Variants in DMXL1 observed in about 807,000 individuals in gnomAD.
DMXL1 encodes dmX-like protein 1.
DMXL1 carries 99 observed loss-of-function variants against 319.2 expected under a neutral mutation model. The observed-to-expected ratio is 0.31, with a 90% CI of 0.26 to 0.37. The LOEUF is 0.37. DMXL1 is among the 10% of genes least tolerant of loss of function. The pLI is 1.00. For missense variants in DMXL1, 3,745 were observed against 3,595.6 expected (o/e 1.04, Z -1.06); for synonymous variants, 1,385 against 1,235.2 (o/e 1.12, Z -2.54).
chr5:119,184,047 A>G (rs541497761), intron 28 of DMXL1, among the ~76,000 whole-genome samples: 88 of 144,710 alleles, frequency 6.1e-4, no homozygotes, highest in Non-Finnish European at 1.0e-3. Context: ...CCCTCATTCA[A>G]TGTTTTCTTC....
intron 10 of DMXL1, among the ~76,000 whole-genome samples, chr5:119,130,297 G>A (rs930339929): frequency 6.6e-6 from 1 of 151,416 alleles, no homozygotes; most frequent in Non-Finnish European, 1.5e-5. Context: ...TACTGTGGGT[G>A]TGCATTTTTA....
intron 1 of DMXL1, among the ~76,000 whole-genome samples, chr5:119,079,335 C>G (rs1008015199): frequency 3.9e-5 from 6 of 152,174 alleles, no homozygotes; most frequent in Non-Finnish European, 8.8e-5. Context: ...CAGAATTGTC[C>G]AGGGTTAATC....
chr5:119,112,648 A>G (rs1263590233), intron 5 of DMXL1, among the ~76,000 whole-genome samples: 2 of 152,148 alleles, frequency 1.3e-5, no homozygotes, highest in Admixed American at 6.5e-5. Flanking sequence ...AGAATTTTGC[A>G]TAAATAATTC....
Position 119,151,994 on chromosome 5 carries a change from A to C in DMXL1, c.4660A>C (p.Thr1554Pro), listed in dbSNP as rs778738011. 4.3e-6 allele frequency: 7 copies of C among 1,613,148 alleles called. No homozygotes were observed. The Admixed American group carries it at 1.2e-4, about 27-fold the overall frequency. The change falls in exon 19 of 44, where the codon ACA (threonine) becomes CCA (proline). Residue 1554 changes from threonine to proline, a missense_variant. By Grantham distance (38) the Thr-to-Pro change is conservative. Coordinates refer to ENST00000539542, the MANE Select transcript of DMXL1 (RefSeq NM_001290321.3). ...LLAVRLHTFL[T>P]TSLPAYRAQL... ...GGCTGTTCGACTCCATACCTTTCTT[A>C]CAACTTCCCTTCCAGCCTATCGAGC...
At chr5:119,095,630 A>C (rs1269079555) in intron 1 of DMXL1, among the ~76,000 whole-genome samples, 5 of 152,220 alleles carry the variant, frequency 3.3e-5, no homozygotes, top group Non-Finnish European at 7.3e-5. Flanking sequence ...CTAAATTGTA[A>C]ACATGTAAAA....
intron 19 of DMXL1, among the ~76,000 whole-genome samples, chr5:119,163,564 A>G (rs1023044484): frequency 6.6e-6 from 1 of 151,934 alleles, no homozygotes; most frequent in Non-Finnish European, 1.5e-5. Flanking sequence ...TTACAGGCAC[A>G]TACCACCATG....
In DMXL1 at chr5:119,149,059, G is replaced by A. The variant is rs1222927982; in HGVS notation, c.3232G>A (p.Val1078Ile). 2 of 1,613,914 alleles carry A rather than the reference G, an allele frequency of 1.2e-6. No homozygotes were observed. Among genetic ancestry groups the A allele is most frequent in the Non-Finnish European group, 1.7e-6 (2 of 1,179,858 alleles). The change falls in exon 18 of 44, where the codon GTA becomes ATA. Residue 1078 changes from valine to isoleucine, a missense_variant. Around this residue, in one of 4 missense-constraint regions of DMXL1, gnomAD observed 2,096 missense variants for 1,985.4 expected, o/e 1.06. Transcript: ENST00000539542. The stretch of plus-strand genomic sequence containing the variant: ...ATCTTCCCAGGACTTTGTGATGCAT[G>A]TAAGTATTTTTGAATGTGAGTCAAC... ...SRSSQDFVMH[V>I]SIFECESTGG... is the part of the protein sequence containing the mutation.
intron 30 of DMXL1, among the ~76,000 whole-genome samples, chr5:119,194,242 G>A (rs548384935): frequency 9.5e-4 from 145 of 152,092 alleles, no homozygotes; most frequent in Non-Finnish European, 1.7e-3. Flanking sequence ...TCCATTAATG[G>A]ACCATCCGTA....
chr5:119,093,460 G>A (rs1239616508), intron 1 of DMXL1, among the ~76,000 whole-genome samples: 1 of 152,006 alleles, frequency 6.6e-6, no homozygotes, highest in African/African-American at 2.4e-5. Context: ...TATTATATCT[G>A]TTATGATGAT....
At chr5:119,093,530 C>T (rs192405277) in intron 1 of DMXL1, among the ~76,000 whole-genome samples, 27 of 152,282 alleles carry the variant, frequency 1.8e-4, no homozygotes, top group African/African-American at 6.5e-4. Context: ...GCTCAGACCT[C>T]CCTATTCACT....
At chr5:119,093,206 C>A (rs756829075) in intron 1 of DMXL1, among the ~76,000 whole-genome samples, 1 of 152,074 alleles carries the variant, frequency 6.6e-6, no homozygotes, top group African/African-American at 2.4e-5. Flanking sequence ...TATTTTTGAA[C>A]AGAGTCTTGC....
intron 10 of DMXL1, among the ~76,000 whole-genome samples, chr5:119,131,060 A>G (rs755302931): frequency 6.9e-6 from 1 of 145,842 alleles, no homozygotes. Context: ...TTTACTTTGC[A>G]TTTTCTTGAT....
chr5:119,205,606 C>T lies in DMXL1; in HGVS notation c.7864-1228C>T, dbSNP rs900653034. Among the ~76,000 whole-genome samples the T allele has an allele frequency of 3.6e-4, 54 of 151,510 alleles. 1 individual carries two copies. Among genetic ancestry groups the T allele is most frequent in the South Asian group, 2.1e-4 (1 of 4,812 alleles). On this transcript the variant is annotated intron_variant, in intron 33 of 43. Coordinates refer to ENST00000539542, the MANE Select transcript of DMXL1 (RefSeq NM_001290321.3). Reference sequence around the variant, plus strand: ...GATAAATAGATTTAACTTATTTAAACCTTGACACAATTAATGGTAGTTATT... The same window carrying T: ...GATAAATAGATTTAACTTATTTAAATCTTGACACAATTAATGGTAGTTATT...
chr5:119,248,553 T>C lies in DMXL1; in HGVS notation c.*1334T>C, dbSNP rs770109656. ...TACTATTTAACTTAAATATATTTTG[T>C]TTAATAGGAAATATATAATAATAGC... On this transcript the variant is annotated 3_prime_UTR_variant, in exon 44 of 44. Transcript: ENST00000539542. The C allele has an allele frequency of 1.3e-5, 2 of 152,394 alleles. No individual in the cohort carries two copies. Among genetic ancestry groups the C allele is most frequent in the African/African-American group, 2.4e-5 (1 of 41,420 alleles). 9.4% of individuals were successfully genotyped at this position (152,394 alleles called of 1,614,324 possible).
At chr5:119,239,185 C>T (rs1788305423) in intron 41 of DMXL1, 105 bp downstream of exon 41, 2 of 1,176,004 alleles carry the variant, frequency 1.7e-6, no homozygotes, top group African/African-American at 1.6e-5. Context: ...GCTTTAGATA[C>T]AGTATTTTTA....
rs1241542533 is a variant in DMXL1, at chr5:119,122,069, C to T, written c.1102+930C>T. On this transcript the variant is annotated intron_variant, in intron 9 of 43. Transcript: ENST00000539542. ...CCCCCAACCTCCCTCCCGGTCGGGG[C>T]GGCTGGCCGGGCGGGGGGCTGACCC... Among the ~76,000 whole-genome samples, 64 of 143,764 alleles carry T rather than the reference C, an allele frequency of 4.5e-4. 1 individual carries two copies. Among genetic ancestry groups the T allele is most frequent in the Admixed American group, 2.4e-3 (35 of 14,712 alleles). 94.3% of individuals were successfully genotyped at this position (143,764 alleles called of 152,430 possible).
In DMXL1 at chr5:119,239,036, T is replaced by A; in HGVS notation, c.8607T>A (p.Ser2869Arg). Reference protein sequence around the residue: ...NKTANDFVFVSSSSLIATAGL... With the variant: ...NKTANDFVFVRSSSLIATAGL... ...CAGCCAATGATTTTGTCTTCGTTAG[T>A]TCCTCCTCTCTGATAGCTACAGCTG... is the stretch of plus-strand genomic sequence containing the variant. The change falls in exon 41 of 44, where the codon AGT becomes AGA. Residue 2869 changes from serine to arginine, a missense_variant. Ser to Arg is a moderately radical substitution (Grantham distance 110). Coordinates refer to ENST00000539542, the MANE Select transcript of DMXL1 (RefSeq NM_001290321.3). 1 of 1,613,906 alleles carries A rather than the reference T, an allele frequency of 6.2e-7. No homozygotes were observed. Among genetic ancestry groups the A allele is most frequent in the Non-Finnish European group, 8.5e-7 (1 of 1,179,930 alleles).
At chr5:119,171,414 C>T (rs1471528525) in intron 24 of DMXL1, 134 bp downstream of exon 24, 3 of 858,474 alleles carry the variant, frequency 3.5e-6, no homozygotes, top group Non-Finnish European at 5.2e-6. Flanking sequence ...TTTGTGTGGT[C>T]CTTCATATTA....
chr5:119,213,015 A>T (rs953498746), intron 34 of DMXL1, among the ~76,000 whole-genome samples: 5 of 152,176 alleles, frequency 3.3e-5, no homozygotes, highest in Admixed American at 3.3e-4. Context: ...GCACTCAAGC[A>T]GCTGAACATG....
Sources: gnomAD v4.1 joint callset for allele counts (sites outside exome capture counted in the v4.1 genomes callset) on GRCh38, gnomAD v4.1.1 for gene constraint, gnomAD v4.1.1 regional missense constraint, MANE v1.5 for transcripts, NCBI Gene and HGNC (gene_info 2026-07-23, HGNC 2026-07-21) for gene names.